LSS: variants seen among roughly 807,000 people sequenced by gnomAD.
LSS encodes lanosterol synthase.
A neutral mutation model predicts 110.3 loss-of-function variants in LSS; 90 were observed. That is an observed-to-expected ratio of 0.82 (90% CI 0.69 to 0.97). The LOEUF is 0.97. Among genes scored for constraint, LSS ranks in the 50% least tolerant of loss-of-function variants. The pLI, the probability that LSS is intolerant of heterozygous loss-of-function variation, is 0.00. For synonymous variants in LSS, 433 were observed against 400.0 expected (o/e 1.08, Z -0.98); for missense variants, 927 against 990.0 (o/e 0.94, Z 0.85).
rs1489034013 is a variant in LSS, at chr21:46,215,192, G to A, written c.999C>T (p.Ile333=). ...IVADDRFTKS[I]SIGPISKTIN... ...CAGGGGCACTGACCGGGCCGATGCT[G>A]ATGCTCTTGGTGAATCGGTCGTCGG... The change falls in exon 9 of 22, where the codon ATC becomes ATT. Residue 333 remains isoleucine (I), a synonymous_variant. Transcript: ENST00000397728. 3 of 1,610,236 alleles carry A rather than the reference G, an allele frequency of 1.9e-6. No individual in the cohort carries two copies. The African/African-American group carries it at 4.0e-5, about 22-fold the overall frequency.
At position 46,194,770 on chromosome 21, in the gene LSS, G is replaced by A. The variant is rs185290028; in HGVS notation, c.1818-109C>T. 174 of 1,097,414 alleles carry A rather than the reference G, an allele frequency of 1.6e-4. No homozygotes were observed. In the African/African-American group the frequency reaches 1.9e-3, roughly 12 times the overall value. 68.0% of individuals were successfully genotyped at this position (1,097,414 alleles called of 1,614,324 possible). On this transcript the variant is annotated intron_variant, in intron 19 of 21. Coordinates refer to ENST00000397728, the MANE Select transcript of LSS (RefSeq NM_002340.6). ...GGTACGGGGAGGAGCCTGCACGATG[G>A]GGCCACCCTACCTAAGGGCCATGGG...
At chr21:46,197,872 G>C (rs1259339835) in intron 17 of LSS, among the ~76,000 whole-genome samples, 1 of 150,752 alleles carries the variant, frequency 6.6e-6, no homozygotes, top group Non-Finnish European at 1.5e-5. Context: ...CTGGGAGACA[G>C]AGACTCTGTC....
At chr21:46,227,374 A>T in intron 3 of LSS, 178 bp downstream of exon 3, 1 of 690,534 alleles carries the variant, frequency 1.4e-6, no homozygotes, top group Non-Finnish European at 2.4e-6. Flanking sequence ...TGGCAAGGCT[A>T]GCTGATCCCC....
At chr21:46,206,854 A>G (rs2080056617) in intron 15 of LSS, 86 bp from the exon 16 acceptor site, 2 of 965,918 alleles carry the variant, frequency 2.1e-6, no homozygotes, top group Non-Finnish European at 3.3e-6. Context: ...TCTAGAGGCA[A>G]CACTAGGGCT....
In LSS at chr21:46,228,545, G is replaced by C; in HGVS notation, c.69C>G (p.Gly23=). The C allele has an allele frequency of 1.3e-6, 2 of 1,598,028 alleles. No individual in the cohort carries two copies. The highest frequency in any genetic ancestry group is 4.5e-5 in the East Asian group (2 of 44,728). ...PYKTEPATDL[G]RWRLNCERGR... ...CCCTCTCGCAGTTGAGTCGCCAGCG[G>C]CCGAGGTCGGTGGCGGGCTCGGTCT... The change falls in exon 2 of 22, where the codon GGC becomes GGG. Residue 23 remains glycine (G), a synonymous_variant. Transcript: ENST00000397728.
Position 46,227,704 on chromosome 21 carries a change from G to GA in LSS, c.181-15dup, listed in dbSNP as rs10550493. The stretch of plus-strand genomic sequence containing the variant: ...AAAGTAATTCTTCTGCAAAGAGATC[G>GA]AAAAAAAAAAAAAGAGATAGCTGAC... On this transcript the variant is annotated splice_polypyrimidine_tract_variant and intron_variant, in intron 2 of 21. Coordinates refer to ENST00000397728, the MANE Select transcript of LSS (RefSeq NM_002340.6). 0.018 allele frequency: 26,010 copies of GA among 1,408,432 alleles called. 34 individuals are homozygous for GA. Among genetic ancestry groups the GA allele is most frequent in the South Asian group, 0.094 (7,479 of 79,926 alleles). 87.2% of individuals were successfully genotyped at this position (1,408,432 alleles called of 1,614,324 possible). A position where few individuals can be genotyped will look rare whatever the true frequency, so the allele number is the denominator to read the frequency against.
intron 5 of LSS, 94 bp from the exon 6 acceptor site, chr21:46,219,666 G>A (rs1300045954): frequency 1.6e-5 from 11 of 698,762 alleles, no homozygotes; most frequent in Middle Eastern, 2.5e-4. Flanking sequence ...TGGGAGTCAC[G>A]TGTGCCCCTC....
intron 17 of LSS, among the ~76,000 whole-genome samples, chr21:46,205,164 A>G (rs183414281): frequency 3.7e-4 from 57 of 152,344 alleles, no homozygotes; most frequent in African/African-American, 1.3e-3. Context: ...TAGATGCTTC[A>G]TAATAACCCA....
In LSS at chr21:46,209,002, G is replaced by A. The variant is rs1417228972; in HGVS notation, c.1266+552C>T. Among the ~76,000 whole-genome samples, 1 of 152,212 alleles carries A rather than the reference G, an allele frequency of 6.6e-6. No individual in the cohort carries two copies. The highest frequency in any genetic ancestry group is 1.5e-5 in the Non-Finnish European group (1 of 68,030). On this transcript the variant is annotated intron_variant, in intron 13 of 21. Coordinates refer to ENST00000397728, the MANE Select transcript of LSS (RefSeq NM_002340.6). This position sits in a 1 kb window ranked among gnomAD's most constrained non-coding sequence, Gnocchi z 4.4. ...TGAGGCCGTGGCCGGGACAGGGTGTGGGAGACACGGGAGGTTGGGGCGCAT... is the reference window on the plus strand; with the variant it reads ...TGAGGCCGTGGCCGGGACAGGGTGTAGGAGACACGGGAGGTTGGGGCGCAT...
chr21:46,214,131 G>A (rs952227294), intron 9 of LSS, among the ~76,000 whole-genome samples: 29 of 152,248 alleles, frequency 1.9e-4, no homozygotes, highest in Admixed American at 3.9e-4. Context: ...GGAGAAACCA[G>A]AGGGGCATGG....
chr21:46,195,584 A>C lies in LSS; in HGVS notation c.1817+92T>G, dbSNP rs545474487. On this transcript the variant is annotated intron_variant, in intron 19 of 21. Coordinates refer to ENST00000397728, the MANE Select transcript of LSS (RefSeq NM_002340.6). ...CTCAAAAACAAACAAACAAACAAAC[A>C]AACCCTAAAACCAAATGTCAAAGCA... 4.8e-4 allele frequency: 555 copies of C among 1,149,880 alleles called. 2 individuals are homozygous for C. The East Asian group carries it at 7.2e-3, about 15-fold the overall frequency. The allele number at this position is 1,149,880 out of a possible 1,614,324, so 71.2% of individuals were successfully genotyped here. A position where few individuals can be genotyped will look rare whatever the true frequency, so the allele number is the denominator to read the frequency against.
intron 15 of LSS, among the ~76,000 whole-genome samples, chr21:46,207,067 C>G (rs2080059330): frequency 6.6e-6 from 1 of 152,226 alleles, no homozygotes; most frequent in Admixed American, 6.5e-5. Flanking sequence ...GGGAAACACA[C>G]ACAAAAGCCA....
At chr21:46,211,280 G>C (rs984988805) in intron 11 of LSS, among the ~76,000 whole-genome samples, 4 of 152,138 alleles carry the variant, frequency 2.6e-5, no homozygotes, top group African/African-American at 7.2e-5. Flanking sequence ...GCTCCTGCCA[G>C]CACACCCAGC....
intron 11 of LSS, 151 bp from the exon 12 acceptor site, chr21:46,210,895 C>T: frequency 1.5e-6 from 1 of 686,496 alleles, no homozygotes; most frequent in South Asian, 1.8e-5. Context: ...GGGCACCCCT[C>T]ATGGCTGACA....
rs973193208 is a variant in LSS, at chr21:46,222,728, G to C, written c.330C>G (p.Ile110Met). The C allele has an allele frequency of 6.2e-7, 1 of 1,613,518 alleles. No homozygotes were observed. Among genetic ancestry groups the C allele is most frequent in the Non-Finnish European group, 8.5e-7 (1 of 1,179,844 alleles). The stretch of plus-strand genomic sequence containing the variant: ...GAGGGATGCGTGCCACGTGGCAAGT[G>C]ATCAGGAGGCCTGTGTGGCAGGAGA... ...GPLFLLPGLLITCHVARIPLP... is the reference protein window; with the variant it reads ...GPLFLLPGLLMTCHVARIPLP... Residue 110 changes from isoleucine (I) to methionine (M), a missense_variant, in exon 4 of 22, where the codon ATC becomes ATG. Transcript: ENST00000397728.
chr21:46,228,628 G>T, intron 1 of LSS, 29 bp from the exon 2 acceptor site: 1 of 1,592,706 alleles, frequency 6.3e-7, no homozygotes. Flanking sequence ...CAGCGACCCA[G>T]GCCCCGCCCC....
chr21:46,215,255 C>A lies in LSS; in HGVS notation c.936G>T (p.Arg312=). 6.2e-7 allele frequency: 1 copy of A among 1,611,078 alleles called. No homozygotes were observed. The highest frequency in any genetic ancestry group is 8.5e-7 in the Non-Finnish European group (1 of 1,179,888). ...LYEHHHSAHL[R]QRAVQKLYEH... ...CATACAGCTTCTGCACGGCCCGCTG[C>A]CGCAGGTGGGCACTGTGGTGGTGCT... Residue 312 remains arginine (R), a synonymous_variant, in exon 9 of 22, where the codon CGG becomes CGT. Transcript: ENST00000397728.
rs1032966821 is a variant in LSS, at chr21:46,209,984, C to T, written c.1195-359G>A. On this transcript the variant is annotated intron_variant, in intron 12 of 21. Coordinates refer to ENST00000397728, the MANE Select transcript of LSS (RefSeq NM_002340.6). The surrounding 1 kb of genome is among the most constrained non-coding windows in gnomAD (Gnocchi z 4.4). ...AACACCTTCAGAATCCCACCTACCT[C>T]ATTCCCACCGGCATAAAAATCCACT... 6.6e-5 allele frequency among the ~76,000 whole-genome samples: 10 copies of T among 152,030 alleles called. No homozygotes were observed. Among genetic ancestry groups the T allele is most frequent in the African/African-American group, 1.9e-4 (8 of 41,382 alleles).
intron 9 of LSS, among the ~76,000 whole-genome samples, chr21:46,214,650 A>G (rs1469667466): frequency 6.6e-6 from 1 of 152,192 alleles, no homozygotes; most frequent in Non-Finnish European, 1.5e-5. Context: ...GCACCAGCAC[A>G]GCCCGGGAAT....
Sources: allele counts gnomAD v4.1 joint callset (sites outside exome capture counted in the v4.1 genomes callset), GRCh38; gene constraint gnomAD v4.1.1; non-coding constraint Gnocchi (gnomAD v3.1); transcripts MANE v1.5; gene names NCBI Gene and HGNC (gene_info 2026-07-23, HGNC 2026-07-21).